Variants in TANC2 observed in about 807,000 individuals in gnomAD.
TANC2 encodes the protein protein TANC2.
Under a neutral mutation model 210.5 loss-of-function variants are expected in TANC2, and 26 were observed. The ratio of observed to expected loss-of-function variants is 0.12; its 90% CI spans 0.09 to 0.17. The LOEUF (loss-of-function observed/expected upper bound fraction) is 0.17. TANC2 is among the 10% of genes least tolerant of loss of function. The pLI, the probability that TANC2 is intolerant of heterozygous loss-of-function variation, is 1.00. For synonymous variants in TANC2, 931 were observed against 967.1 expected (o/e 0.96, Z 0.69); for missense variants, 2,129 against 2,608.9 (o/e 0.82, Z 4.01).
At chr17:63,320,946 C>A (rs1435361086) in intron 11 of TANC2, among the ~76,000 whole-genome samples, 1 of 152,128 alleles carries the variant, frequency 6.6e-6, no homozygotes, top group Non-Finnish European at 1.5e-5. Context: ...TGCCTATAAT[C>A]CCAGCACTTT....
At chr17:63,266,616 C>A (rs2043536936) in intron 8 of TANC2, among the ~76,000 whole-genome samples, 1 of 151,958 alleles carries the variant, frequency 6.6e-6, no homozygotes, top group Non-Finnish European at 1.5e-5. Context: ...TCATTGGTGG[C>A]AAAATTGGAT....
At chr17:63,022,802 C>A (rs565593169) in intron 2 of TANC2, among the ~76,000 whole-genome samples, 24 of 152,160 alleles carry the variant, frequency 1.6e-4, no homozygotes, top group Non-Finnish European at 1.5e-5. Flanking sequence ...TGCTTGGCTG[C>A]ACCAGCTGTG....
intron 2 of TANC2, among the ~76,000 whole-genome samples, chr17:63,018,807 T>A (rs978727409): frequency 6.6e-6 from 1 of 152,250 alleles, no homozygotes; most frequent in African/African-American, 2.4e-5. Flanking sequence ...AGTTGTACAG[T>A]ATGTAACCTT....
chr17:63,022,888 C>T (rs941428097), intron 2 of TANC2, among the ~76,000 whole-genome samples: 2 of 152,212 alleles, frequency 1.3e-5, no homozygotes, highest in Non-Finnish European at 2.9e-5. Context: ...CAGCAACATG[C>T]TGTGGTTCAA....
intron 14 of TANC2, among the ~76,000 whole-genome samples, chr17:63,364,159 A>G (rs2047043605): frequency 6.6e-6 from 1 of 152,232 alleles, no homozygotes; most frequent in African/African-American, 2.4e-5. Context: ...GATATGACAA[A>G]CGGGAGGAAT....
chr17:63,055,818 T>C (rs1275751744), intron 2 of TANC2, among the ~76,000 whole-genome samples: 1 of 150,254 alleles, frequency 6.7e-6, no homozygotes, highest in East Asian at 2.0e-4. Context: ...AATGGATTCC[T>C]AGATTCTATG....
intron 4 of TANC2, 67 bp downstream of exon 4, chr17:63,099,424 T>C (rs1049326076): frequency 2.5e-6 from 3 of 1,202,110 alleles, no homozygotes; most frequent in African/African-American, 3.1e-5. Context: ...TTAGGTCACG[T>C]CAGATGTGTA....
intron 16 of TANC2, 63 bp downstream of exon 16, chr17:63,388,820 G>T: frequency 7.8e-7 from 1 of 1,283,530 alleles, no homozygotes; most frequent in South Asian, 1.7e-5. Flanking sequence ...AAAACTAGAA[G>T]GACATTAAGT....
At position 63,362,970 on chromosome 17, in the gene TANC2, T is replaced by A. The variant is rs149876325; in HGVS notation, c.2582+7580T>A. 1.5e-3 allele frequency among the ~76,000 whole-genome samples: 235 copies of A among 152,334 alleles called. 2 individuals are homozygous for A. The highest frequency in any genetic ancestry group is 5.4e-3 in the African/African-American group (225 of 41,580). On this transcript the variant is annotated intron_variant, in intron 14 of 27. Coordinates refer to ENST00000689528, the Ensembl canonical transcript of TANC2. ...AAACTGTTCTCCATATTGATTGCACTAATTTACATTCCCACCAACAGCATA... is the reference window on the plus strand; with the variant it reads ...AAACTGTTCTCCATATTGATTGCACAAATTTACATTCCCACCAACAGCATA...
rs372079023 is a variant in TANC2, at chr17:63,109,167, A to G, written c.322+9810A>G. 6.6e-5 allele frequency among the ~76,000 whole-genome samples: 10 copies of G among 151,694 alleles called. No individual in the cohort carries two copies. In the East Asian group the frequency reaches 1.3e-3, roughly 20 times the overall value. Reference sequence around the variant, plus strand: ...AAGTACTGAAAATAAATGAACTAATAAGGAGATCGAGGAAGACATAGTAAA... The same window carrying G: ...AAGTACTGAAAATAAATGAACTAATGAGGAGATCGAGGAAGACATAGTAAA... On this transcript the variant is annotated intron_variant, in intron 4 of 27. Coordinates refer to ENST00000689528, the Ensembl canonical transcript of TANC2.
At chr17:63,307,968 T>C (rs1271695231) in intron 9 of TANC2, among the ~76,000 whole-genome samples, 2 of 152,152 alleles carry the variant, frequency 1.3e-5, no homozygotes, top group Admixed American at 6.5e-5. Context: ...GGTTTCACCA[T>C]GTTAGCCAGA....
At chr17:63,389,193 C>G in intron 16 of TANC2, 115 bp from the exon 17 acceptor site, 1 of 758,240 alleles carries the variant, frequency 1.3e-6, no homozygotes. Flanking sequence ...TAAAATAAAG[C>G]AATTACTAAA....
intron 4 of TANC2, among the ~76,000 whole-genome samples, chr17:63,113,008 C>G (rs1326015959): frequency 6.6e-6 from 1 of 152,122 alleles, no homozygotes; most frequent in African/African-American, 2.4e-5. Flanking sequence ...CTTAACTTCC[C>G]ACCTGCTATG....
chr17:63,088,198 A>T (rs2037048645), intron 3 of TANC2: 1 of 152,038 alleles, frequency 6.6e-6, no homozygotes, highest in African/African-American at 2.4e-5. Context: ...AACAAGAGAA[A>T]ATTTTTGGCT....
At chr17:63,067,591 C>T (rs984400894) in intron 2 of TANC2, among the ~76,000 whole-genome samples, 2 of 151,752 alleles carry the variant, frequency 1.3e-5, no homozygotes, top group Non-Finnish European at 2.9e-5. Context: ...AAAATAAAGT[C>T]TTAAGAAAGA....
intron 14 of TANC2, among the ~76,000 whole-genome samples, chr17:63,373,135 A>G (rs1450834758): frequency 1.3e-5 from 2 of 152,096 alleles, no homozygotes; most frequent in East Asian, 1.9e-4. Context: ...GACCCAAGCA[A>G]TCCTCCTGCC....
At chr17:63,316,757 C>T (rs2045326529) in intron 10 of TANC2, among the ~76,000 whole-genome samples, 1 of 152,070 alleles carries the variant, frequency 6.6e-6, no homozygotes, top group Non-Finnish European at 1.5e-5. Flanking sequence ...TATATTCTAC[C>T]AGTGCCATCT....
intron 2 of TANC2, 131 bp downstream of exon 2, chr17:63,009,757 G>T: frequency 1.3e-6 from 1 of 741,926 alleles, no homozygotes; most frequent in Non-Finnish European, 2.2e-6. Flanking sequence ...CATTTCTTTG[G>T]GCTTTCATAC....
At chr17:63,401,676 G>A (rs1032849066) in intron 19 of TANC2, among the ~76,000 whole-genome samples, 2 of 152,068 alleles carry the variant, frequency 1.3e-5, no homozygotes, top group Middle Eastern at 6.8e-3. Flanking sequence ...CTCCCATCCC[G>A]TAGAGTTTTC....
Sources: allele counts gnomAD v4.1 joint callset (sites outside exome capture counted in the v4.1 genomes callset), GRCh38; gene constraint gnomAD v4.1.1; transcripts MANE v1.5; gene names NCBI Gene and HGNC (gene_info 2026-07-23, HGNC 2026-07-21).